Variants in RFC2 observed in about 807,000 individuals in gnomAD.
RFC2 encodes the protein replication factor C subunit 2, also known as A1 40 kDa subunit.
A neutral mutation model predicts 44.8 loss-of-function variants in RFC2; 34 were observed. The observed-to-expected ratio is 0.76, with a 90% CI of 0.58 to 1.01. The LOEUF (loss-of-function observed/expected upper bound fraction) is 1.01, where lower values mean the gene tolerates loss of function less well. Ranked by LOEUF, RFC2 falls within the 50% of genes least tolerant of loss-of-function variation. The pLI, the probability that RFC2 is intolerant of heterozygous loss-of-function variation, is 0.00. For synonymous variants in RFC2, 177 were observed against 168.9 expected (o/e 1.05, Z -0.37); for missense variants, 400 against 453.6 (o/e 0.88, Z 1.07).
intron 9 of RFC2, among the ~76,000 whole-genome samples, chr7:74,235,864 G>A (rs1802988710): frequency 6.6e-6 from 1 of 151,592 alleles, no homozygotes; most frequent in Admixed American, 6.6e-5. Context: ...TTGCTATATT[G>A]CCCAGGCTGG....
chr7:74,245,858 C>G (rs1379174424), intron 5 of RFC2, among the ~76,000 whole-genome samples: 1 of 151,590 alleles, frequency 6.6e-6, no homozygotes, highest in African/African-American at 2.4e-5. Context: ...GTCAGGAGTT[C>G]GAGACCAGCC....
At chr7:74,252,234 C>T (rs1337587832) in intron 2 of RFC2, among the ~76,000 whole-genome samples, 195 bp downstream of exon 2, 1 of 151,472 alleles carries the variant, frequency 6.6e-6, no homozygotes, top group African/African-American at 2.4e-5. Flanking sequence ...GGTGAAACCC[C>T]GTCTCTACTA....
intron 7 of RFC2, 127 bp from the exon 8 acceptor site, chr7:74,239,115 C>T (rs557941772): frequency 3.2e-5 from 23 of 707,710 alleles, no homozygotes; most frequent in African/African-American, 5.3e-5. Context: ...CTCCCACCTC[C>T]GCCTCCCAAG....
intron 5 of RFC2, among the ~76,000 whole-genome samples, chr7:74,244,233 A>G (rs894843660): frequency 6.6e-6 from 1 of 151,812 alleles, no homozygotes; most frequent in Non-Finnish European, 1.5e-5. Context: ...ATGCCACTGC[A>G]CTCCAGCCTG....
Position 74,231,828 on chromosome 7 carries a change from C to T in RFC2, c.*278G>A, listed in dbSNP as rs185254209. Reference sequence around the variant, plus strand: ...CCGAGTAGCTGGGATTACAGGTGCCCGCCACCACACCCAGCTAATTTTTAT... The same window carrying T: ...CCGAGTAGCTGGGATTACAGGTGCCTGCCACCACACCCAGCTAATTTTTAT... On this transcript the variant is annotated 3_prime_UTR_variant, in exon 11 of 11. Coordinates refer to ENST00000055077, the MANE Select transcript of RFC2 (RefSeq NM_181471.3). 8.7e-4 allele frequency: 215 copies of T among 246,954 alleles called. 1 individual carries two copies. The highest frequency in any genetic ancestry group is 8.2e-3 in the Middle Eastern group (6 of 736). The allele number at this position is 246,954 out of a possible 1,614,324, so 15.3% of individuals were successfully genotyped here.
At chr7:74,241,828 C>T (rs898387071) in intron 6 of RFC2, among the ~76,000 whole-genome samples, 1 of 152,158 alleles carries the variant, frequency 6.6e-6, no homozygotes, top group East Asian at 1.9e-4. Context: ...GGCATGGTGG[C>T]ACATGCCTGT....
rs918178403 is a variant in RFC2 at position 74,248,043 on chromosome 7, C to T, written c.332+969G>A. Among the ~76,000 whole-genome samples the T allele has an allele frequency of 3.9e-5, 6 of 152,216 alleles. No homozygotes were observed. The South Asian group carries it at 6.2e-4, about 16-fold the overall frequency. On this transcript the variant is annotated intron_variant, in intron 4 of 10. Coordinates refer to ENST00000055077, the MANE Select transcript of RFC2 (RefSeq NM_181471.3). The stretch of plus-strand genomic sequence containing the variant: ...CTCCTGGACTCAAGCGATCCACCTG[C>T]CTCAGCCTCCCAAAGTGCTGGGATT...
rs782704669 is a variant in RFC2, at chr7:74,243,242, T to A, written c.439A>T (p.Thr147Ser). Residue 147 changes from threonine (T) to serine (S), a missense_variant, in exon 6 of 11, where the codon ACC becomes TCC. Transcript: ENST00000055077. ...CTCAAGGCTTGCTGGGCTCCGTCGG[T>A]CATGCTGAGAAGAAAAACACAAGTT... The part of the protein sequence containing the change: ...IIILDEADSM[T>S]DGAQQALRRT... The A allele has an allele frequency of 6.2e-6, 10 of 1,611,780 alleles. No individual in the cohort carries two copies. In the South Asian group the frequency reaches 9.9e-5, roughly 16 times the overall value.
At chr7:74,244,556 A>G (rs1222874632) in intron 5 of RFC2, among the ~76,000 whole-genome samples, 2 of 151,704 alleles carry the variant, frequency 1.3e-5, no homozygotes, top group Non-Finnish European at 2.9e-5. Flanking sequence ...CTTTTAGTAG[A>G]GACGGGGTTT....
Position 74,243,261 on chromosome 7 carries a change from A to G in RFC2, c.435-15T>C, listed in dbSNP as rs781847598. ...CGTCGGTCATGCTGAGAAGAAAAAC[A>G]CAAGTTTGCAAGTGGGACCCAGAGA... On this transcript the variant is annotated splice_polypyrimidine_tract_variant and intron_variant, in intron 5 of 10. Coordinates refer to ENST00000055077, the MANE Select transcript of RFC2 (RefSeq NM_181471.3). 4.4e-6 allele frequency: 7 copies of G among 1,587,460 alleles called. No individual in the cohort carries two copies. The highest frequency in any genetic ancestry group is 6.1e-6 in the Non-Finnish European group (7 of 1,156,366).
intron 2 of RFC2, 51 bp from the exon 3 acceptor site, chr7:74,249,831 T>A: frequency 6.8e-7 from 1 of 1,476,656 alleles, no homozygotes; most frequent in Non-Finnish European, 9.5e-7. Flanking sequence ...TCTGGATGAC[T>A]ACATAAAAAA....
chr7:74,235,223 G>T (rs904009963), intron 10 of RFC2, among the ~76,000 whole-genome samples: 1 of 152,220 alleles, frequency 6.6e-6, no homozygotes, highest in Admixed American at 6.5e-5. Context: ...TTTTAGTAGA[G>T]ATGGGGCTTT....
At chr7:74,240,123 C>A (rs1469009169) in intron 6 of RFC2, 28 bp from the exon 7 acceptor site, 1 of 1,604,448 alleles carries the variant, frequency 6.2e-7, no homozygotes, top group African/African-American at 1.3e-5. Context: ...AGTAGTGAGG[C>A]TTCCCTGCAG....
At chr7:74,252,807 C>T (rs1458882325) in intron 1 of RFC2, among the ~76,000 whole-genome samples, 5 of 151,972 alleles carry the variant, frequency 3.3e-5, no homozygotes, top group African/African-American at 1.2e-4. Flanking sequence ...TGGTGGTGTG[C>T]GTCTGTAATC....
At chr7:74,248,006 G>A (rs1386459381) in intron 4 of RFC2, among the ~76,000 whole-genome samples, 1 of 151,926 alleles carries the variant, frequency 6.6e-6, no homozygotes, top group African/African-American at 2.4e-5. Context: ...TGTCACCTAG[G>A]CTGGTCTCAA....
chr7:74,236,072 T>A (rs1802998189), intron 9 of RFC2, among the ~76,000 whole-genome samples: 1 of 152,108 alleles, frequency 6.6e-6, no homozygotes, highest in South Asian at 2.1e-4. Flanking sequence ...TATAGCAAAG[T>A]GGAAAAAGCA....
chr7:74,237,552 T>C, intron 8 of RFC2, 110 bp from the exon 9 acceptor site: 1 of 557,482 alleles, frequency 1.8e-6, no homozygotes, highest in African/African-American at 1.9e-5. Flanking sequence ...TCTCAACCTG[T>C]TGTTTTCATC....
chr7:74,232,592 C>T (rs1554717387), intron 10 of RFC2, among the ~76,000 whole-genome samples: 1 of 152,118 alleles, frequency 6.6e-6, no homozygotes, highest in Non-Finnish European at 1.5e-5. Flanking sequence ...AAAGTCCAGG[C>T]GTGGTGGCTC....
At chr7:74,233,786 G>A (rs1260467639) in intron 10 of RFC2, 1 of 456,192 alleles carries the variant, frequency 2.2e-6, no homozygotes, top group Non-Finnish European at 4.4e-6. Flanking sequence ...TATTAGAATG[G>A]CTTAAAAACC....
Sources: allele counts gnomAD v4.1 joint callset (sites outside exome capture counted in the v4.1 genomes callset), GRCh38; gene constraint gnomAD v4.1.1; transcripts MANE v1.5; gene names NCBI Gene and HGNC (gene_info 2026-07-23, HGNC 2026-07-21).